TANGO2: variants seen among roughly 807,000 people sequenced by gnomAD.
TANGO2 encodes transport and golgi organization 2 homolog.
In TANGO2, 26 loss-of-function variants were observed where a neutral mutation model predicts 39.1. The observed-to-expected ratio is 0.67, with a 90% CI of 0.49 to 0.92. TANGO2 has a LOEUF of 0.92. TANGO2 is among the 40% of genes least tolerant of loss of function. The pLI, the probability that TANGO2 is intolerant of heterozygous loss-of-function variation, is 0.00. For missense variants in TANGO2, 326 were observed against 360.1 expected (o/e 0.91, Z 0.77); for synonymous variants, 131 against 144.5 (o/e 0.91, Z 0.67).
chr22:20,041,233 G>A (rs908947350), intron 2 of TANGO2, among the ~76,000 whole-genome samples: 4 of 152,266 alleles, frequency 2.6e-5, no homozygotes, highest in African/African-American at 4.8e-5. Context: ...TGCAACCTCC[G>A]CCTCCCGGGT....
Position 20,052,480 on chromosome 22 carries a change from A to T in TANGO2, c.161A>T (p.Glu54Val), listed in dbSNP as rs1171017037. ...NEILSGLDME[E>V]GKEGGTWLGI... ...TCTGCCACAGGGCTGGACATGGAGG[A>T]AGGCAAGGAAGGAGGCACATGGCTG... The change falls in exon 4 of 9, where the codon GAA becomes GTA. Residue 54 changes from glutamate (E) to valine (V), a missense_variant. Transcript: ENST00000327374. 1 of 1,604,504 alleles carries T rather than the reference A, an allele frequency of 6.2e-7. No individual in the cohort carries two copies. The highest frequency in any genetic ancestry group is 1.3e-5 in the African/African-American group (1 of 74,922).
rs1488165397 is a variant in TANGO2, at chr22:20,053,614, T to C, written c.380+63T>C. 6 of 1,136,570 alleles carry C rather than the reference T, an allele frequency of 5.3e-6. No homozygotes were observed. In the South Asian group the frequency reaches 6.2e-5, roughly 12 times the overall value. The allele number at this position is 1,136,570 out of a possible 1,614,324, so 70.4% of individuals were successfully genotyped here. ...ACTGCCTCGGGGGCAGGCCTCAGGC[T>C]CATCAGGAAGTGGGGTTCCACTGGG... is the stretch of plus-strand genomic sequence containing the variant. On this transcript the variant is annotated intron_variant, in intron 5 of 8. Coordinates refer to ENST00000327374, the MANE Select transcript of TANGO2 (RefSeq NM_152906.7).
At chr22:20,020,810 G>T (rs2146590682), upstream of TANGO2, among the ~76,000 whole-genome samples, 1 of 152,276 alleles carries the variant, frequency 6.6e-6, no homozygotes, top group South Asian at 2.1e-4. Flanking sequence ...GTCCATGAGG[G>T]CATGGACTCA....
At chr22:20,033,826 T>A (rs575271225) in intron 1 of TANGO2, among the ~76,000 whole-genome samples, 1 of 152,380 alleles carries the variant, frequency 6.6e-6, no homozygotes, top group Admixed American at 6.5e-5. Flanking sequence ...TGGTTCTGCA[T>A]CATCAGCTGC....
chr22:20,019,202 G>GC (rs1406531066), upstream of TANGO2: 1 of 152,218 alleles, frequency 6.6e-6, no homozygotes, highest in Non-Finnish European at 1.5e-5. Flanking sequence ...CAGCTGTGAG[G>GC]CCCCCGGAGA....
At position 20,063,456 on chromosome 22, in the gene TANGO2, G is replaced by A. The variant is rs73389746; in HGVS notation, c.710+14G>A. Reference sequence around the variant, plus strand: ...CTACGGCACCAGGTATTGCAGCACCGTGGGTGCGCCACCTCCTATCCCATG... The same window carrying A: ...CTACGGCACCAGGTATTGCAGCACCATGGGTGCGCCACCTCCTATCCCATG... On this transcript the variant is annotated intron_variant, in intron 8 of 8. Transcript: ENST00000327374. 16,040 of 1,605,854 alleles carry A rather than the reference G, an allele frequency of 1.0e-2. 1,326 individuals carry two copies. The African/African-American group carries it at 0.18, about 18-fold the overall frequency.
chr22:20,045,033 A>G (rs1015685767), intron 3 of TANGO2, among the ~76,000 whole-genome samples: 10 of 152,162 alleles, frequency 6.6e-5, no homozygotes, highest in African/African-American at 2.2e-4. Flanking sequence ...ACTAAGGCCC[A>G]CATCCTCTCA....
chr22:20,026,058 G>T (rs2040678429), intron 1 of TANGO2, among the ~76,000 whole-genome samples: 1 of 152,214 alleles, frequency 6.6e-6, no homozygotes, highest in African/African-American at 2.4e-5. Context: ...AAGCATGGGT[G>T]GTCCCCACCT....
chr22:20,060,991 G>GC (rs1179501795), intron 6 of TANGO2, among the ~76,000 whole-genome samples: 2 of 152,102 alleles, frequency 1.3e-5, no homozygotes, highest in African/African-American at 2.4e-5. Context: ...TCTGTGCAGA[G>GC]CCCCCCGGCT....
chr22:20,025,183 T>C (rs1442429814), intron 1 of TANGO2, among the ~76,000 whole-genome samples: 2 of 148,914 alleles, frequency 1.3e-5, no homozygotes, highest in Non-Finnish European at 3.0e-5. Flanking sequence ...CCTCTGCCTC[T>C]CAGGTTCAAT....
chr22:20,036,401 GT>G (rs2042857806), intron 1 of TANGO2, among the ~76,000 whole-genome samples: 1 of 152,188 alleles, frequency 6.6e-6, no homozygotes, highest in Non-Finnish European at 1.5e-5. Context: ...ATTTGGATGG[GT>G]AAGTTTGTTT....
intron 5 of TANGO2, chr22:20,054,064 G>A: frequency 3.5e-6 from 1 of 283,668 alleles, no homozygotes; most frequent in South Asian, 3.1e-5. Context: ...CCTTCTGCCA[G>A]GACAGGCAAA....
chr22:20,036,579 G>A (rs1416039599), intron 1 of TANGO2, among the ~76,000 whole-genome samples, 181 bp from the exon 2 acceptor site: 1 of 152,176 alleles, frequency 6.6e-6, no homozygotes, highest in African/African-American at 2.4e-5. Flanking sequence ...GCCAATGAGT[G>A]CATGGGTTTG....
At chr22:20,020,514 G>A (rs1451423965), upstream of TANGO2, among the ~76,000 whole-genome samples, 10 of 151,776 alleles carry the variant, frequency 6.6e-5, no homozygotes, top group African/African-American at 2.4e-4. Context: ...ACACTGGGGG[G>A]TGGAAGTGGG....
rs75011475 is a variant in TANGO2, at chr22:20,056,518, G to A, written c.451+505G>A. 1,904 of 456,860 alleles carry A rather than the reference G, an allele frequency of 4.2e-3. 36 individuals carry two copies. Among genetic ancestry groups the A allele is most frequent in the African/African-American group, 0.035 (1,747 of 50,126 alleles). 28.3% of individuals were successfully genotyped at this position (456,860 alleles called of 1,614,324 possible). ...CCCTCTGCGCCAGGTCACACTCCAC[G>A]GCTGGGCCCTTCCTGCCCTGGCTCT... On this transcript the variant is annotated intron_variant, in intron 6 of 8. Transcript: ENST00000327374.
intron 3 of TANGO2, among the ~76,000 whole-genome samples, chr22:20,049,456 T>A (rs1482350330): frequency 6.6e-6 from 1 of 151,086 alleles, no homozygotes; most frequent in African/African-American, 2.4e-5. Context: ...AGGTTGGGAG[T>A]TCAAGACCAG....
At chr22:20,037,090 C>T in intron 2 of TANGO2, 2 of 1,529,096 alleles carry the variant, frequency 1.3e-6, no homozygotes, top group South Asian at 2.6e-5. Flanking sequence ...AGAAGGCAGC[C>T]ACAGGTAGGA....
chr22:20,027,486 G>A (rs1000256619), intron 1 of TANGO2, among the ~76,000 whole-genome samples: 10 of 152,228 alleles, frequency 6.6e-5, no homozygotes, highest in African/African-American at 2.4e-4. Context: ...TGGCCAATCA[G>A]GGAGAACGGA....
intron 3 of TANGO2, among the ~76,000 whole-genome samples, chr22:20,047,462 T>C (rs1218444953): frequency 6.6e-6 from 1 of 152,054 alleles, no homozygotes; most frequent in Non-Finnish European, 1.5e-5. Flanking sequence ...CTCGAACTCT[T>C]GACCTCAGGC....
Sources: gnomAD v4.1 joint callset for allele counts (sites outside exome capture counted in the v4.1 genomes callset) on GRCh38, gnomAD v4.1.1 for gene constraint, MANE v1.5 for transcripts, NCBI Gene and HGNC (gene_info 2026-07-23, HGNC 2026-07-21) for gene names.